ANK1: variants seen among roughly 807,000 people sequenced by gnomAD.
ANK1 encodes the protein ankyrin 1, also known as ankyrin-1.
ANK1 carries 51 observed loss-of-function variants against 210.4 expected under a neutral mutation model. The observed-to-expected ratio is 0.24, with a 90% confidence interval of 0.19 to 0.31. The LOEUF (loss-of-function observed/expected upper bound fraction) is 0.31, where lower values mean the gene tolerates loss of function less well. ANK1 is among the 10% of genes least tolerant of loss of function. The pLI is 1.00. For missense variants in ANK1, 2,051 were observed against 2,504.4 expected, an observed-to-expected ratio of 0.82 and a Z score of 3.86; for synonymous variants, 967 against 1,025.9, an observed-to-expected ratio of 0.94 and a Z score of 1.10.
At position 41,765,372 on chromosome 8, in the gene ANK1, G is replaced by A. The variant is rs140083087; in HGVS notation, c.28-7235C>T. Among the ~76,000 whole-genome samples, 93 of 151,148 alleles carry A rather than the reference G, an allele frequency of 6.2e-4. 1 individual carries two copies. Among genetic ancestry groups the A allele is most frequent in the Non-Finnish European group, 1.2e-3 (79 of 67,832 alleles). ...TCCTGCGTCAACACCCCCTTCCCCC[G>A]AATAGCTGAAACTACAGGCGTGCAC... On this transcript the variant is annotated intron_variant, in intron 1 of 42. Coordinates refer to ENST00000289734, the MANE Select transcript of ANK1 (RefSeq NM_000037.4).
intron 18 of ANK1, among the ~76,000 whole-genome samples, chr8:41,705,923 T>C (rs1478656365): frequency 6.6e-6 from 1 of 152,182 alleles, no homozygotes; most frequent in Admixed American, 6.5e-5. Context: ...CCCCACTTTC[T>C]CACTGCAGAG....
At chr8:41,796,455 GAA>G (rs1459651623) in intron 1 of ANK1, among the ~76,000 whole-genome samples, 1 of 150,376 alleles carries the variant, frequency 6.6e-6, no homozygotes, top group South Asian at 2.1e-4. Flanking sequence ...GCCACAAGAG[GAA>G]AAAGACTCTA....
chr8:41,688,053 G>T (rs1407176600), intron 35 of ANK1, 103 bp downstream of exon 35: 1 of 1,341,210 alleles, frequency 7.5e-7, no homozygotes, highest in Non-Finnish European at 1.1e-6. Flanking sequence ...TAACCCACGG[G>T]TGATAAAAGG....
intron 2 of ANK1, among the ~76,000 whole-genome samples, chr8:41,735,300 G>A (rs550235017): frequency 6.6e-6 from 1 of 152,186 alleles, no homozygotes; most frequent in African/African-American, 2.4e-5. Flanking sequence ...CGGATGAGTC[G>A]ATCTTGGCTC....
intron 1 of ANK1, among the ~76,000 whole-genome samples, chr8:41,770,815 C>T (rs1842834433): frequency 6.6e-6 from 1 of 152,212 alleles, no homozygotes; most frequent in Non-Finnish European, 1.5e-5. Context: ...GATGATAAAG[C>T]TAAGGGAGAG....
At chr8:41,876,420 C>G (rs539940267) in intron 1 of ANK1, among the ~76,000 whole-genome samples, 1 of 152,354 alleles carries the variant, frequency 6.6e-6, no homozygotes, top group East Asian at 1.9e-4. Context: ...GATCGTGCCC[C>G]CTGGGGGCTG....
At chr8:41,673,987 C>A (rs1325472163) in intron 37 of ANK1, among the ~76,000 whole-genome samples, 1 of 152,182 alleles carries the variant, frequency 6.6e-6, no homozygotes, top group Non-Finnish European at 1.5e-5. Context: ...TCCAGACACC[C>A]CCAGCCTAGA....
At chr8:41,727,763 C>T (rs1831087247) in intron 4 of ANK1, 145 bp downstream of exon 4, 1 of 766,870 alleles carries the variant, frequency 1.3e-6, no homozygotes, top group Non-Finnish European at 2.3e-6. Flanking sequence ...CACCACTGCT[C>T]AGAGACATGC....
chr8:41,753,060 C>CTTT lies in ANK1; in HGVS notation c.129+4973_129+4975dup, dbSNP rs761060485. On this transcript the variant is annotated intron_variant, in intron 2 of 42. Transcript: ENST00000289734. ...AGGTCAGTGGCCACTGCCGCAGGCT[C>CTTT]TTTTTTTTTTTTTTTTTTTTGAGAC... Among the ~76,000 whole-genome samples the CTTT allele has an allele frequency of 1.9e-4, 20 of 106,604 alleles. 1 individual carries two copies. Among genetic ancestry groups the CTTT allele is most frequent in the South Asian group, 1.4e-3 (4 of 2,850 alleles). The allele number at this position is 106,604 out of a possible 152,430, so 69.9% of individuals were successfully genotyped here.
At chr8:41,723,774 TA>T (rs1179139328) in intron 7 of ANK1, 141 bp from the exon 8 acceptor site, 2 of 549,146 alleles carry the variant, frequency 3.6e-6, no homozygotes, top group Non-Finnish European at 6.2e-6. Context: ...TAAGATATTT[TA>T]TTTTTTTTTA....
intron 1 of ANK1, among the ~76,000 whole-genome samples, chr8:41,848,642 C>T (rs1258458276): frequency 6.6e-6 from 1 of 152,206 alleles, no homozygotes; most frequent in African/African-American, 2.4e-5. Flanking sequence ...TCTCCTTCCA[C>T]CTTGAAGGTG....
chr8:41,658,373 TG>T (rs1164676850), intron 42 of ANK1, among the ~76,000 whole-genome samples: 1 of 152,252 alleles, frequency 6.6e-6, no homozygotes, highest in African/African-American at 2.4e-5. Flanking sequence ...TTCACATCAG[TG>T]CTCACAGTTA....
intron 1 of ANK1, among the ~76,000 whole-genome samples, chr8:41,827,890 CCA>C (rs564598163): frequency 5.3e-5 from 8 of 150,254 alleles, no homozygotes; most frequent in Non-Finnish European, 1.2e-4. Flanking sequence ...ATGCTCACGC[CCA>C]CACATGCACA....
At chr8:41,674,752 A>G (rs1163856091) in intron 37 of ANK1, among the ~76,000 whole-genome samples, 3 of 152,140 alleles carry the variant, frequency 2.0e-5, no homozygotes, top group Admixed American at 2.0e-4. Flanking sequence ...ATGAGCGGGG[A>G]GGATGAGCCC....
intron 1 of ANK1, among the ~76,000 whole-genome samples, chr8:41,803,827 G>C (rs1373881594): frequency 6.6e-6 from 1 of 151,948 alleles, no homozygotes; most frequent in Non-Finnish European, 1.5e-5. Context: ...TGCATTAATA[G>C]ATTTTTCTAA....
In ANK1 at chr8:41,717,065, A is replaced by G; in HGVS notation, c.1306-14T>C. ...GGTCTCCACTTTCTATAAAATAACA[A>G]AATTATAGAACTGTTCATACATGCC... On this transcript the variant is annotated splice_polypyrimidine_tract_variant and intron_variant, in intron 12 of 42. Transcript: ENST00000289734. The G allele has an allele frequency of 6.2e-7, 1 of 1,613,860 alleles. No homozygotes were observed. The highest frequency in any genetic ancestry group is 8.5e-7 in the Non-Finnish European group (1 of 1,179,746).
intron 1 of ANK1, among the ~76,000 whole-genome samples, chr8:41,875,844 G>A (rs1165605163): frequency 6.6e-6 from 1 of 152,078 alleles, no homozygotes; most frequent in East Asian, 1.9e-4. Context: ...AGTGTTACAC[G>A]GCGCAGGGAC....
At chr8:41,760,055 A>T (rs938981450) in intron 1 of ANK1, among the ~76,000 whole-genome samples, 2 of 152,184 alleles carry the variant, frequency 1.3e-5, no homozygotes, top group Admixed American at 6.6e-5. Context: ...TCTGTTCCTT[A>T]GCTGCTGCTA....
At chr8:41,862,333 T>C (rs1813416689) in intron 1 of ANK1, among the ~76,000 whole-genome samples, 2 of 151,920 alleles carry the variant, frequency 1.3e-5, no homozygotes. Flanking sequence ...AAGGCTGGAG[T>C]GAGGCTGAGC....
Sources: gnomAD v4.1 joint callset for allele counts (sites outside exome capture counted in the v4.1 genomes callset) on GRCh38, gnomAD v4.1.1 for gene constraint, MANE v1.5 for transcripts, NCBI Gene and HGNC (gene_info 2026-07-23, HGNC 2026-07-21) for gene names.